AMOTL2: variants seen among roughly 807,000 people sequenced by gnomAD.
AMOTL2 encodes angiomotin like 2.
Under a neutral mutation model 78.4 loss-of-function variants are expected in AMOTL2, and 33 were observed. The observed-to-expected ratio is 0.42, with a 90% CI of 0.32 to 0.56. The LOEUF is 0.56. Ranked by LOEUF, AMOTL2 falls within the 20% of genes least tolerant of loss-of-function variation. The probability of loss-of-function intolerance (pLI) is 0.12; values close to 1 mark genes in which losing one functional copy is unlikely to be tolerated. For missense variants in AMOTL2, 983 were observed against 1,030.1 expected (o/e 0.95, Z 0.63); for synonymous variants, 422 against 428.8 (o/e 0.98, Z 0.20).
intron 5 of AMOTL2, among the ~76,000 whole-genome samples, chr3:134,364,854 A>T (rs1250577589): frequency 6.6e-6 from 1 of 152,034 alleles, no homozygotes; most frequent in African/African-American, 2.4e-5. Flanking sequence ...TTCTCTGCAA[A>T]CACCTTGAAC....
Position 134,361,819 on chromosome 3 carries a change from A to G in AMOTL2, c.1280-12T>C, listed in dbSNP as rs1077718. 1,376,731 of 1,521,434 alleles carry G rather than the reference A, an allele frequency of 0.9. 623,530 individuals are homozygous for G. Among genetic ancestry groups the G allele is most frequent in the African/African-American group, 0.98 (71,268 of 72,726 alleles). 94.2% of individuals were successfully genotyped at this position (1,521,434 alleles called of 1,614,324 possible). A position where few individuals can be genotyped will look rare whatever the true frequency, so the allele number is the denominator to read the frequency against. ...CTGCTGTTCGTAGCCTGTAGGGAGAAAGAGGCTTGATCAGTGACAGTGACC... is the reference window on the plus strand; with the variant it reads ...CTGCTGTTCGTAGCCTGTAGGGAGAGAGAGGCTTGATCAGTGACAGTGACC... On this transcript the variant is annotated splice_polypyrimidine_tract_variant and intron_variant, in intron 5 of 9. Transcript: ENST00000249883.
At chr3:134,357,790 A>C (rs2017140367) in intron 9 of AMOTL2, 27 bp from the exon 10 acceptor site, 2 of 1,608,726 alleles carry the variant, frequency 1.2e-6, no homozygotes, top group Non-Finnish European at 1.7e-6. Flanking sequence ...ACACAGGCAC[A>C]TGCCAATGAG....
At chr3:134,375,180 C>G, upstream of AMOTL2, 3 of 1,534,828 alleles carry the variant, frequency 2.0e-6, no homozygotes, top group Non-Finnish European at 2.6e-6. Flanking sequence ...TCAATTTGAC[C>G]CACCTACCCA....
chr3:134,366,766 T>G, intron 3 of AMOTL2: 1 of 208,638 alleles, frequency 4.8e-6, no homozygotes, highest in Non-Finnish European at 9.5e-6. Flanking sequence ...CTTGGCTGGC[T>G]TCCACCAAGA....
At chr3:134,357,853 C>A in intron 9 of AMOTL2, 90 bp from the exon 10 acceptor site, 1 of 1,378,404 alleles carries the variant, frequency 7.3e-7, no homozygotes, top group South Asian at 1.2e-5. Context: ...AAAGATCGTT[C>A]TTCACCAACT....
intron 5 of AMOTL2, 30 bp from the exon 6 acceptor site, chr3:134,361,837 C>T: frequency 4.7e-6 from 7 of 1,496,078 alleles, no homozygotes; most frequent in Non-Finnish European, 6.3e-6. Flanking sequence ...TGATCAGTGA[C>T]AGTGACCACG....
In AMOTL2 at chr3:134,357,764, C is replaced by T; in HGVS notation, c.2285-1G>A. On this transcript the variant is annotated splice_acceptor_variant, in intron 9 of 9. Transcript: ENST00000249883. LOFTEE classifies it high-confidence loss of function. ...TGGACTCTGGATGTAGCTACAGAGT[C>T]TGGAGACAGACAAGAACACAGGCAC... 1 of 1,614,038 alleles carries T rather than the reference C, an allele frequency of 6.2e-7. No individual in the cohort carries two copies. The highest frequency in any genetic ancestry group is 8.5e-7 in the Non-Finnish European group (1 of 1,179,908).
intron 6 of AMOTL2, among the ~76,000 whole-genome samples, chr3:134,360,786 A>G (rs2017320783): frequency 6.6e-6 from 1 of 152,208 alleles, no homozygotes; most frequent in South Asian, 2.1e-4. Flanking sequence ...TGGTTTGTAA[A>G]CACCAAGAGT....
chr3:134,375,082 T>G, upstream of AMOTL2: 5 of 1,479,898 alleles, frequency 3.4e-6, no homozygotes, highest in Non-Finnish European at 4.5e-6. Flanking sequence ...AGCGGCAACC[T>G]TTGAATGCAC....
In AMOTL2 at chr3:134,357,660, AGAG is replaced by A. The variant is rs763584864; in HGVS notation, c.*42_*44del. 4 of 1,594,920 alleles carry A rather than the reference AGAG, an allele frequency of 2.5e-6. No homozygotes were observed. Among genetic ancestry groups the A allele is most frequent in the Non-Finnish European group, 3.4e-6 (4 of 1,162,650 alleles). On this transcript the variant is annotated 3_prime_UTR_variant, in exon 10 of 10. Transcript: ENST00000249883. ...GAAATGGCTGAGAGTGGCACAGGGC[AGAG>A]GAGGGGAGAGAATGGCTCAGAGTCC...
rs748569783 is a variant in AMOTL2 at position 134,366,339 on chromosome 3, C to T, written c.1130G>A (p.Arg377Gln). Residue 377 changes from arginine (R) to glutamine (Q), a missense_variant, in exon 4 of 10, where the codon CGG becomes CAG. Physicochemically the swap from Arg to Gln is conservative, Grantham distance 43. Transcript: ENST00000249883. ...CCTCATTTCACTGTCCATCTTGTTC[C>T]GCATGGTCTTCTCCAGGGCCTCACG... ...SKREALEKTMRNKMDSEMRRL... is the reference protein window; with the variant it reads ...SKREALEKTMQNKMDSEMRRL... 14 of 1,614,040 alleles carry T rather than the reference C, an allele frequency of 8.7e-6. No individual in the cohort carries two copies. The highest frequency in any genetic ancestry group is 6.7e-5 in the African/African-American group (5 of 74,932).
rs754728105 is a variant in AMOTL2, at chr3:134,365,862, C to T, written c.1234G>A (p.Ala412Thr). The T allele has an allele frequency of 7.4e-6, 12 of 1,614,218 alleles. No homozygotes were observed. The Admixed American group carries it at 2.0e-4, about 27-fold the overall frequency. ...ACCATGTCCTGACTGCCGGCCTGGG[C>T]CTCCTGTGTCTTGCTTGCCAGGCGG... ...NRRLASKTQEAQAGSQDMVAK... is the reference protein window; with the variant it reads ...NRRLASKTQETQAGSQDMVAK... Residue 412 changes from alanine to threonine, a missense_variant, in exon 5 of 10, where the codon GCC (alanine) becomes ACC (threonine). Coordinates refer to ENST00000249883, the MANE Select transcript of AMOTL2 (RefSeq NM_016201.4).
At chr3:134,374,733 T>A, upstream of AMOTL2, 1 of 988,356 alleles carries the variant, frequency 1.0e-6, no homozygotes, top group Non-Finnish European at 1.2e-6. Flanking sequence ...CCCTGCCCCA[T>A]GCTTTGCCTT....
In AMOTL2 at chr3:134,360,071, C is replaced by T. The variant is rs771059774; in HGVS notation, c.1883+35G>A. The T allele has an allele frequency of 1.8e-5, 29 of 1,581,588 alleles. No individual in the cohort carries two copies. The East Asian group carries it at 4.1e-4, about 22-fold the overall frequency. On this transcript the variant is annotated intron_variant, in intron 7 of 9. Transcript: ENST00000249883. ...AGTGACTGGACATTGCCACCCACCC[C>T]CCCAACCTCAGGTGCCTGGCCTGCA...
Position 134,371,325 on chromosome 3 carries a change from G to T in AMOTL2, c.109C>A (p.Gln37Lys). 6.2e-7 allele frequency: 1 copy of T among 1,612,212 alleles called. No homozygotes were observed. ...ETRTLLAIQQ[Q>K]ALRGGAGTGG... ...GTTCCAGCCCCACCCCTCAGGGCCT[G>T]CTGCTGGATGGCTAGCAGCGTGCGC... Residue 37 changes from glutamine to lysine, a missense_variant, in exon 2 of 10, where the codon CAG (glutamine) becomes AAG (lysine). Coordinates refer to ENST00000249883, the MANE Select transcript of AMOTL2 (RefSeq NM_016201.4).
rs77820313 is a variant in AMOTL2, at chr3:134,355,437, G to C, written c.*2268C>G. On this transcript the variant is annotated 3_prime_UTR_variant, in exon 10 of 10. Coordinates refer to ENST00000249883, the MANE Select transcript of AMOTL2 (RefSeq NM_016201.4). Reference sequence around the variant, plus strand: ...TGATGTCACAGCAAAGGAGGGAGGCGGTGGCTAAGAACATGCACATTCTTG... The same window carrying C: ...TGATGTCACAGCAAAGGAGGGAGGCCGTGGCTAAGAACATGCACATTCTTG... Among the ~76,000 whole-genome samples, 1 of 152,112 alleles carries C rather than the reference G, an allele frequency of 6.6e-6. No individual in the cohort carries two copies. The highest frequency in any genetic ancestry group is 6.5e-5 in the Admixed American group (1 of 15,280).
At chr3:134,368,770 G>A (rs1228337963) in intron 2 of AMOTL2, among the ~76,000 whole-genome samples, 1 of 152,144 alleles carries the variant, frequency 6.6e-6, no homozygotes, top group African/African-American at 2.4e-5. Flanking sequence ...GGCTGCCTCT[G>A]GACTACTGTG....
Position 134,357,573 on chromosome 3 carries a change from T to A in AMOTL2, c.*132A>T. 1 of 951,772 alleles carries A rather than the reference T, an allele frequency of 1.1e-6. No homozygotes were observed. Among genetic ancestry groups the A allele is most frequent in the South Asian group, 1.4e-5 (1 of 71,334 alleles). 59.0% of individuals were successfully genotyped at this position (951,772 alleles called of 1,614,324 possible). A position where few individuals can be genotyped will look rare whatever the true frequency, so the allele number is the denominator to read the frequency against. On this transcript the variant is annotated 3_prime_UTR_variant, in exon 10 of 10. Transcript: ENST00000249883. ...CTCCTCCTGAGCTCCTGGGACCAGA[T>A]GGTCAATGGGAATGAGTGTCTGGCT... is the stretch of plus-strand genomic sequence containing the variant.
In AMOTL2 at chr3:134,370,428, T is replaced by C. The variant is rs544129533; in HGVS notation, c.734+272A>G. 4.6e-5 allele frequency among the ~76,000 whole-genome samples: 7 copies of C among 152,340 alleles called. No homozygotes were observed. The South Asian group carries it at 1.5e-3, about 32-fold the overall frequency. On this transcript the variant is annotated intron_variant, in intron 2 of 9. Coordinates refer to ENST00000249883, the MANE Select transcript of AMOTL2 (RefSeq NM_016201.4). Reference sequence around the variant, plus strand: ...CTAACCTTTAACCCCCTGCTGCAATTTGTGTACTCTGGGGACTCTAGTTAC... The same window carrying C: ...CTAACCTTTAACCCCCTGCTGCAATCTGTGTACTCTGGGGACTCTAGTTAC...
Sources: allele counts gnomAD v4.1 joint callset (sites outside exome capture counted in the v4.1 genomes callset), GRCh38; gene constraint gnomAD v4.1.1; transcripts MANE v1.5; gene names NCBI Gene and HGNC (gene_info 2026-07-23, HGNC 2026-07-21).